Variants in ARHGEF7 observed in about 807,000 individuals in gnomAD.
The protein encoded by ARHGEF7 is PAK-interacting exchange factor beta.
In ARHGEF7, 33 loss-of-function variants were observed where a neutral mutation model predicts 109.8. The ratio of observed to expected loss-of-function variants is 0.30; its 90% CI spans 0.23 to 0.40. The LOEUF (loss-of-function observed/expected upper bound fraction) is 0.40, where lower values mean the gene tolerates loss of function less well. ARHGEF7 is among the 10% of genes least tolerant of loss of function. ARHGEF7 has a pLI of 1.00. For missense variants in ARHGEF7, 938 were observed against 1,098.5 expected, an observed-to-expected ratio of 0.85 and a Z score of 2.07; for synonymous variants, 458 against 424.6, an observed-to-expected ratio of 1.08 and a Z score of -0.97.
chr13:111,268,142 G>A (rs1006125069), intron 9 of ARHGEF7, among the ~76,000 whole-genome samples: 1 of 152,200 alleles, frequency 6.6e-6, no homozygotes, highest in Non-Finnish European at 1.5e-5. Flanking sequence ...ATGCACAGAC[G>A]TTTTGCTTAT....
intron 19 of ARHGEF7, 118 bp downstream of exon 19, chr13:111,292,412 C>A (rs2093317696): frequency 2.0e-6 from 3 of 1,513,460 alleles, no homozygotes; most frequent in Non-Finnish European, 2.6e-6. Flanking sequence ...TGTTCCTTGT[C>A]TCTTTTATGT....
chr13:111,219,064 G>A (rs898321439), intron 5 of ARHGEF7, among the ~76,000 whole-genome samples: 21 of 152,130 alleles, frequency 1.4e-4, no homozygotes, highest in African/African-American at 4.8e-4. Flanking sequence ...AGTTCTAAGT[G>A]TACTGTTCAG....
Position 111,266,963 on chromosome 13 carries a change from C to T in ARHGEF7, c.951-585C>T, listed in dbSNP as rs939154711. The T allele has an allele frequency of 8.8e-6, 4 of 452,764 alleles. No homozygotes were observed. Among genetic ancestry groups the T allele is most frequent in the African/African-American group, 4.0e-5 (2 of 49,988 alleles). The allele number at this position is 452,764 out of a possible 1,614,324, so 28.0% of individuals were successfully genotyped here. A position where few individuals can be genotyped will look rare whatever the true frequency, so the allele number is the denominator to read the frequency against. ...GGGCCCTGATGCCCACAGCTTGTGCCGACTTGTCACCCCTCATGCAGCTTC... is the reference window on the plus strand; with the variant it reads ...GGGCCCTGATGCCCACAGCTTGTGCTGACTTGTCACCCCTCATGCAGCTTC... On this transcript the variant is annotated intron_variant, in intron 8 of 21. Transcript: ENST00000646102. This position sits in a 1 kb window ranked among gnomAD's most constrained non-coding sequence, Gnocchi z 4.8.
Position 111,243,865 on chromosome 13 carries a change from AT to A in ARHGEF7, c.760-5del. ...GTCAAATAACACTTATTCATCATTT[AT>A]TATAGGTGCTACAGAATATTTTAGA... On this transcript the variant is annotated splice_region_variant and splice_polypyrimidine_tract_variant and intron_variant, in intron 6 of 21. Coordinates refer to ENST00000646102, the MANE Select transcript of ARHGEF7 (RefSeq NM_001354046.2). 6.4e-7 allele frequency: 1 copy of A among 1,556,706 alleles called. No individual in the cohort carries two copies. The highest frequency in any genetic ancestry group is 8.8e-7 in the Non-Finnish European group (1 of 1,133,676).
intron 1 of ARHGEF7, among the ~76,000 whole-genome samples, chr13:111,118,836 G>T (rs1379742422): frequency 6.6e-6 from 1 of 152,176 alleles, no homozygotes; most frequent in Admixed American, 6.5e-5. Flanking sequence ...CAAGGAACTT[G>T]GTTCTTTCTC....
chr13:111,268,056 C>T (rs1463243217), intron 9 of ARHGEF7, among the ~76,000 whole-genome samples: 1 of 152,214 alleles, frequency 6.6e-6, no homozygotes, highest in African/African-American at 2.4e-5. Context: ...CAGATTAATA[C>T]AGGTTTTATA....
At chr13:111,165,997 G>C (rs575535151) in intron 2 of ARHGEF7, among the ~76,000 whole-genome samples, 1 of 152,318 alleles carries the variant, frequency 6.6e-6, no homozygotes, top group African/African-American at 2.4e-5. Flanking sequence ...GCCTCTGGCA[G>C]TTGGAGTCCC....
intron 1 of ARHGEF7, 78 bp from the exon 2 acceptor site, chr13:111,153,827 C>A: frequency 6.5e-7 from 1 of 1,529,846 alleles, no homozygotes. Flanking sequence ...GGAGCGCGGG[C>A]CGTGGGCGTC....
Position 111,145,318 on chromosome 13 carries a change from A to G in ARHGEF7, c.166-8587A>G, listed in dbSNP as rs1192207687. ...CAGGCAGAAAACAGATAGATGGCAC[A>G]CTGAACAGAGGTGGTTTATGAGACG... On this transcript the variant is annotated intron_variant, in intron 1 of 21. Coordinates refer to ENST00000646102, the MANE Select transcript of ARHGEF7 (RefSeq NM_001354046.2). This position sits in a 1 kb window ranked among gnomAD's most constrained non-coding sequence, Gnocchi z 4.3. Among the ~76,000 whole-genome samples the G allele has an allele frequency of 1.3e-5, 2 of 152,198 alleles. No individual in the cohort carries two copies. The highest frequency in any genetic ancestry group is 6.5e-5 in the Admixed American group (1 of 15,282).
chr13:111,251,535 C>T lies in ARHGEF7; in HGVS notation c.950+7241C>T, dbSNP rs951432344. Among the ~76,000 whole-genome samples the T allele has an allele frequency of 3.5e-4, 54 of 152,178 alleles. 1 individual carries two copies. The highest frequency in any genetic ancestry group is 3.5e-3 in the Admixed American group (54 of 15,284). On this transcript the variant is annotated intron_variant, in intron 8 of 21. Transcript: ENST00000646102. ...GGCAGAGGGCAGGAGGACACAGAGA[C>T]TCCAGAAAGGAGGATATTGAATTTT...
chr13:111,266,831 C>A lies in ARHGEF7; in HGVS notation c.951-717C>A. 2.2e-6 allele frequency: 1 copy of A among 456,032 alleles called. No homozygotes were observed. The highest frequency in any genetic ancestry group is 3.3e-4 in the Middle Eastern group (1 of 3,070). 28.2% of individuals were successfully genotyped at this position (456,032 alleles called of 1,614,324 possible). A position where few individuals can be genotyped will look rare whatever the true frequency, so the allele number is the denominator to read the frequency against. ...ACGTGGTTCTCCTGTTTTCAGCACA[C>A]GTGCCCCTGCTCCGGGTTGTTGCTG... is the stretch of plus-strand genomic sequence containing the variant. On this transcript the variant is annotated intron_variant, in intron 8 of 21. Coordinates refer to ENST00000646102, the MANE Select transcript of ARHGEF7 (RefSeq NM_001354046.2). The surrounding 1 kb of genome is among the most constrained non-coding windows in gnomAD (Gnocchi z 4.8).
intron 1 of ARHGEF7, among the ~76,000 whole-genome samples, chr13:111,149,394 C>A (rs2075780032): frequency 6.6e-6 from 1 of 152,102 alleles, no homozygotes; most frequent in Non-Finnish European, 1.5e-5. Context: ...AGAAAAAAAT[C>A]ATAGCAATTA....
chr13:111,134,863 TTGCCCA>T, intron 1 of ARHGEF7, among the ~76,000 whole-genome samples: 1 of 152,368 alleles, frequency 6.6e-6, no homozygotes, highest in African/African-American at 2.4e-5. Context: ...CATGAAGTCC[TTGCCCA>T]TGCCTATGTC....
Position 111,300,828 on chromosome 13 carries a change from C to A in ARHGEF7, c.2392C>A (p.Gln798Lys). Residue 798 changes from glutamine to lysine, a missense_variant, in exon 20 of 22, where the codon CAG (glutamine) becomes AAG (lysine). By Grantham distance (53) the Gln-to-Lys change is moderately conservative (BLOSUM62 1). Transcript: ENST00000646102. ...AGTGGAAGAAACTAAAAGTAATGGT[C>A]AGACAGTGATAGAAGAAAAGTAAGA... Reference protein sequence around the residue: ...IIVEETKSNGQTVIEEKSLVD... With the variant: ...IIVEETKSNGKTVIEEKSLVD... 2 of 1,603,510 alleles carry A rather than the reference C, an allele frequency of 1.2e-6. No individual in the cohort carries two copies. The highest frequency in any genetic ancestry group is 2.2e-5 in the South Asian group (2 of 89,582).
intron 6 of ARHGEF7, among the ~76,000 whole-genome samples, chr13:111,234,759 T>C (rs1351765166): frequency 6.6e-6 from 1 of 152,190 alleles, no homozygotes; most frequent in Non-Finnish European, 1.5e-5. Context: ...TTCATTTGGC[T>C]GCTTGGACTC....
chr13:111,284,629 T>G (rs1390557391), intron 16 of ARHGEF7, among the ~76,000 whole-genome samples: 3 of 152,126 alleles, frequency 2.0e-5, no homozygotes, highest in Non-Finnish European at 4.4e-5. Flanking sequence ...AGATAAACAA[T>G]TTTTTTTGAT....
chr13:111,204,686 G>A (rs537860489), intron 2 of ARHGEF7, among the ~76,000 whole-genome samples: 90 of 152,252 alleles, frequency 5.9e-4, no homozygotes, highest in African/African-American at 2.1e-3. Flanking sequence ...GGACTGGAGG[G>A]GATGCGGTTG....
intron 19 of ARHGEF7, chr13:111,294,764 A>G: frequency 3.0e-6 from 3 of 985,602 alleles, no homozygotes; most frequent in Non-Finnish European, 3.6e-6. Context: ...CAATTCTGTA[A>G]TATTTATTTG....
chr13:111,209,794 T>A, intron 3 of ARHGEF7, 78 bp from the exon 4 acceptor site: 1 of 1,519,676 alleles, frequency 6.6e-7, no homozygotes, highest in Non-Finnish European at 8.9e-7. Flanking sequence ...TGCCCTAGTT[T>A]TAAAGTCTAG....
Sources: allele counts gnomAD v4.1 joint callset (sites outside exome capture counted in the v4.1 genomes callset), GRCh38; gene constraint gnomAD v4.1.1; non-coding constraint Gnocchi (gnomAD v3.1); transcripts MANE v1.5; gene names NCBI Gene and HGNC (gene_info 2026-07-23, HGNC 2026-07-21).